CLDN10: variants seen among roughly 807,000 people sequenced by gnomAD.
CLDN10 encodes claudin-10.
A neutral mutation model predicts 22.9 loss-of-function variants in CLDN10; 15 were observed. That is an observed-to-expected ratio of 0.65 (90% CI 0.44 to 1.01). The LOEUF (loss-of-function observed/expected upper bound fraction) is 1.01, where lower values mean the gene tolerates loss of function less well. Among genes scored for constraint, CLDN10 ranks in the 50% least tolerant of loss-of-function variants. The pLI, the probability that CLDN10 is intolerant of heterozygous loss-of-function variation, is 0.00. For synonymous variants in CLDN10, 114 were observed against 111.4 expected (o/e 1.02, Z -0.15); for missense variants, 247 against 287.8 (o/e 0.86, Z 1.03).
At chr13:95,542,625 G>A (rs374489434) in intron 1 of CLDN10, among the ~76,000 whole-genome samples, 3 of 152,102 alleles carry the variant, frequency 2.0e-5, no homozygotes, top group African/African-American at 7.2e-5. Flanking sequence ...TGGCCAACAT[G>A]ATGAAACCCC....
At chr13:95,457,403 G>A (rs983612307) in intron 1 of CLDN10, among the ~76,000 whole-genome samples, 1 of 152,182 alleles carries the variant, frequency 6.6e-6, no homozygotes, top group Non-Finnish European at 1.5e-5. Flanking sequence ...GAAGCCAGGT[G>A]TGTAGAAACT....
At chr13:95,534,776 A>G (rs1236908652) in intron 1 of CLDN10, among the ~76,000 whole-genome samples, 3 of 152,214 alleles carry the variant, frequency 2.0e-5, no homozygotes, top group Non-Finnish European at 4.4e-5. Flanking sequence ...AATTTTCCTA[A>G]TATCTCCAAA....
Position 95,472,527 on chromosome 13 carries a change from G to A in CLDN10, c.214+38480G>A, listed in dbSNP as rs886958598. On this transcript the variant is annotated intron_variant, in intron 1 of 4. Transcript: ENST00000376873. Reference sequence around the variant, plus strand: ...CTCTACTTAAAATACAAAATTAGCCGGGTGTGGTAGTGTGTGCCTGTAATC... The same window carrying A: ...CTCTACTTAAAATACAAAATTAGCCAGGTGTGGTAGTGTGTGCCTGTAATC... Among the ~76,000 whole-genome samples the A allele has an allele frequency of 4.5e-4, 68 of 152,070 alleles. 1 individual carries two copies. The highest frequency in any genetic ancestry group is 1.6e-3 in the African/African-American group (65 of 41,492).
chr13:95,447,763 G>A (rs2042394823), intron 1 of CLDN10, among the ~76,000 whole-genome samples: 2 of 152,034 alleles, frequency 1.3e-5, no homozygotes, highest in African/African-American at 4.8e-5. Context: ...GTGTGTGTGT[G>A]TGTGTGTGTG....
intron 1 of CLDN10, among the ~76,000 whole-genome samples, chr13:95,471,440 C>CACATAT (rs746573300): frequency 9.6e-6 from 1 of 104,382 alleles, no homozygotes; most frequent in Admixed American, 1.0e-4. Flanking sequence ...CACACACACA[C>CACATAT]ATATATATAT....
chr13:95,478,555 G>C (rs765328135), intron 1 of CLDN10, among the ~76,000 whole-genome samples: 2 of 152,222 alleles, frequency 1.3e-5, no homozygotes, highest in Non-Finnish European at 2.9e-5. Flanking sequence ...AAGACCAGGA[G>C]TGTGCAGGTC....
intron 1 of CLDN10, among the ~76,000 whole-genome samples, chr13:95,513,784 T>C (rs1262718042): frequency 1.3e-5 from 2 of 149,012 alleles, no homozygotes; most frequent in East Asian, 1.9e-4. Context: ...TCTCTGTCTA[T>C]AAAATCTGTG....
intron 1 of CLDN10, among the ~76,000 whole-genome samples, chr13:95,478,324 GTAAA>G (rs1452489487): frequency 6.6e-6 from 1 of 151,622 alleles, no homozygotes; most frequent in Non-Finnish European, 1.5e-5. Flanking sequence ...AAATAAGCAA[GTAAA>G]TAAATAAATA....
chr13:95,498,588 T>C (rs1029161643), intron 1 of CLDN10, among the ~76,000 whole-genome samples: 2 of 151,970 alleles, frequency 1.3e-5, no homozygotes, highest in Non-Finnish European at 2.9e-5. Context: ...AGAGATGGGG[T>C]TTCACCATGT....
intron 1 of CLDN10, among the ~76,000 whole-genome samples, chr13:95,526,535 G>A (rs984808126): frequency 2.6e-5 from 4 of 152,078 alleles, no homozygotes; most frequent in African/African-American, 4.8e-5. Flanking sequence ...GTTTAGGCCT[G>A]GCTGCCAATG....
At chr13:95,495,481 A>G (rs1485660609) in intron 1 of CLDN10, among the ~76,000 whole-genome samples, 1 of 151,672 alleles carries the variant, frequency 6.6e-6, no homozygotes, top group East Asian at 2.0e-4. Context: ...GCGGTGGCTC[A>G]AGCCTGTAAT....
chr13:95,457,710 T>C (rs935379731), intron 1 of CLDN10, among the ~76,000 whole-genome samples: 5 of 152,102 alleles, frequency 3.3e-5, no homozygotes, highest in African/African-American at 9.7e-5. Flanking sequence ...TAAGAATCTC[T>C]TCCAAACAGA....
intron 1 of CLDN10, chr13:95,533,767 G>A (rs564327010): frequency 6.6e-6 from 1 of 152,372 alleles, no homozygotes; most frequent in African/African-American, 2.4e-5. Context: ...GGGCAATGCA[G>A]GGTAAGGATA....
rs1239758430 is a variant in CLDN10 at position 95,577,277 on chromosome 13, CTG to C, written c.514_515del (p.Cys172HisfsTer13). ...ALFIGWAGAS[L>X]CIIGGVIFCF... ...GTTTATTGGATGGGCAGGAGCCTCA[CTG>C]TGCATAATTGGTGGTGTCATATTTT... On this transcript the variant is annotated frameshift_variant, in exon 4 of 5. Transcript: ENST00000299339. LOFTEE classifies it high-confidence loss of function. 6.2e-7 allele frequency: 1 copy of C among 1,614,200 alleles called. No individual in the cohort carries two copies. The highest frequency in any genetic ancestry group is 8.5e-7 in the Non-Finnish European group (1 of 1,180,022).
intron 1 of CLDN10, among the ~76,000 whole-genome samples, chr13:95,522,590 A>G (rs2043234490): frequency 6.6e-6 from 1 of 152,090 alleles, no homozygotes; most frequent in Non-Finnish European, 1.5e-5. Flanking sequence ...TCCAGAAGGT[A>G]GAGATTGCTG....
chr13:95,501,372 G>A (rs1594568291), intron 1 of CLDN10, among the ~76,000 whole-genome samples: 4 of 152,238 alleles, frequency 2.6e-5, no homozygotes, highest in Admixed American at 2.6e-4. Context: ...GGAGTACAGT[G>A]GTGCGGTCGT....
chr13:95,434,112 T>A, intron 1 of CLDN10: 1 of 1,396,054 alleles, frequency 7.2e-7, no homozygotes, highest in Non-Finnish European at 1.0e-6. Flanking sequence ...TGTGCTGAAG[T>A]AGCTGTCTAT....
intron 1 of CLDN10, among the ~76,000 whole-genome samples, chr13:95,443,516 C>T (rs1017523939): frequency 6.6e-5 from 10 of 152,028 alleles, no homozygotes; most frequent in East Asian, 1.9e-4. Context: ...CGCGAGACCA[C>T]GCAGGGAAGA....
intron 1 of CLDN10, among the ~76,000 whole-genome samples, chr13:95,489,708 T>C (rs1249569046): frequency 1.3e-5 from 2 of 152,212 alleles, no homozygotes; most frequent in African/African-American, 4.8e-5. Context: ...CATGCAAAAG[T>C]TCTTTAGTTT....
Sources: allele counts gnomAD v4.1 joint callset (sites outside exome capture counted in the v4.1 genomes callset), GRCh38; gene constraint gnomAD v4.1.1; transcripts MANE v1.5; gene names NCBI Gene and HGNC (gene_info 2026-07-23, HGNC 2026-07-21).